Variants in SH3TC1 observed in about 807,000 individuals in gnomAD.
The protein encoded by SH3TC1 is SH3 domain and tetratricopeptide repeats 1, also known as SH3 domain and tetratricopeptide repeat-containing protein 1.
In SH3TC1, 135 loss-of-function variants were observed where a neutral mutation model predicts 117.3. The ratio of observed to expected loss-of-function variants is 1.15; its 90% CI spans 1.00 to 1.33. The LOEUF is 1.33. Among genes scored for constraint, SH3TC1 ranks in the 40% most tolerant of loss-of-function variants. The pLI is 0.00. For missense variants in SH3TC1, 2,092 were observed against 1,794.3 expected, an observed-to-expected ratio of 1.17 and a Z score of -3.00; for synonymous variants, 898 against 816.9, an observed-to-expected ratio of 1.10 and a Z score of -1.69.
Position 8,225,284 on chromosome 4 carries a change from G to A in SH3TC1, c.1285+68G>A, listed in dbSNP as rs1418287064. ...GGGCCTTGGGGTAACGCTGGGGGAG[G>A]TGACAAAGCTGAGCACGGTGGGCAT... On this transcript the variant is annotated intron_variant, in intron 11 of 17. Transcript: ENST00000245105. The surrounding 1 kb of genome is among the most constrained non-coding windows in gnomAD (Gnocchi z 5.5). 5.2e-6 allele frequency: 8 copies of A among 1,547,228 alleles called. No homozygotes were observed. The highest frequency in any genetic ancestry group is 1.4e-5 in the African/African-American group (1 of 73,602).
intron 1 of SH3TC1, among the ~76,000 whole-genome samples, chr4:8,189,905 G>A (rs1717362102): frequency 6.6e-6 from 1 of 152,228 alleles, no homozygotes; most frequent in African/African-American, 2.4e-5. Flanking sequence ...GGTGTCCAAA[G>A]GGTGTGGTCA....
At chr4:8,202,835 C>G (rs942645457) in intron 1 of SH3TC1, among the ~76,000 whole-genome samples, 5 of 152,340 alleles carry the variant, frequency 3.3e-5, no homozygotes, top group African/African-American at 1.2e-4. Context: ...GTCGAAATTC[C>G]CAACTTAGCA....
intron 10 of SH3TC1, among the ~76,000 whole-genome samples, chr4:8,223,878 G>A (rs1342779370): frequency 2.0e-5 from 3 of 152,090 alleles, no homozygotes; most frequent in Non-Finnish European, 4.4e-5. Flanking sequence ...CAGGTGATCC[G>A]CCAGCCTCAG....
intron 12 of SH3TC1, among the ~76,000 whole-genome samples, chr4:8,230,210 G>C (rs865861397): frequency 1.3e-5 from 2 of 152,358 alleles, no homozygotes; most frequent in Middle Eastern, 3.4e-3. Flanking sequence ...ATTGTTCGTA[G>C]TGTTCTCATG....
rs1194065338 is a variant in SH3TC1 at position 8,209,024 on chromosome 4, C to T, written c.173-724C>T. ...AGGCCAAGATGCAAACTCTGCAGGA[C>T]CAATGGCCAGAGGGGTGACCCCCAG... On this transcript the variant is annotated intron_variant, in intron 2 of 17. Coordinates refer to ENST00000245105, the MANE Select transcript of SH3TC1 (RefSeq NM_018986.5). This position sits in a 1 kb window ranked among gnomAD's most constrained non-coding sequence, Gnocchi z 5.9. 6.6e-6 allele frequency among the ~76,000 whole-genome samples: 1 copy of T among 152,186 alleles called. No homozygotes were observed. Among genetic ancestry groups the T allele is most frequent in the Non-Finnish European group, 1.5e-5 (1 of 68,036 alleles).
chr4:8,233,582 T>A (rs1357752320), intron 14 of SH3TC1, 69 bp downstream of exon 14: 1 of 1,483,450 alleles, frequency 6.7e-7, no homozygotes, highest in African/African-American at 1.4e-5. Flanking sequence ...CGTCCATTGA[T>A]GATGATGATA....
In SH3TC1 at chr4:8,219,355, T is replaced by C. The variant is rs144219902; in HGVS notation, c.937T>C (p.Leu313=). The change falls in exon 9 of 18, where the codon TTG becomes CTG. Residue 313 remains leucine (L), a synonymous_variant. Transcript: ENST00000245105. ...PLMAVGLASA[L]ADFQGSGPEE... is the part of the protein sequence containing the mutation. ...CGCAGCTGTGGGCCTGGCCTCGGCATTGGCAGACTTCCAGGGCTCGGGGCC... is the reference window on the plus strand; with the variant it reads ...CGCAGCTGTGGGCCTGGCCTCGGCACTGGCAGACTTCCAGGGCTCGGGGCC... 347 of 1,599,954 alleles carry C rather than the reference T, an allele frequency of 2.2e-4. 1 individual carries two copies. Among genetic ancestry groups the C allele is most frequent in the Admixed American group, 1.2e-3 (71 of 59,274 alleles).
rs557579092 is a variant in SH3TC1 at position 8,205,261 on chromosome 4, T to C, written c.67T>C (p.Ser23Pro). The C allele has an allele frequency of 6.4e-7, 1 of 1,550,550 alleles. No homozygotes were observed. The highest frequency in any genetic ancestry group is 2.0e-5 in the Admixed American group (1 of 51,080). Residue 23 changes from serine (S) to proline (P), a missense_variant, in exon 2 of 18, where the codon TCA becomes CCA. Transcript: ENST00000245105. This position sits in a 1 kb window ranked among gnomAD's most constrained non-coding sequence, Gnocchi z 5.4. ...TPMGRGPVGP[S>P]GGGSTRDQVR... ...CATGGGGAGGGGTCCTGTGGGACCC[T>C]CAGGAGGTGGCAGCACCCGGGACCA...
Position 8,219,478 on chromosome 4 carries a change from C to A in SH3TC1, c.1060C>A (p.Arg354=), listed in dbSNP as rs776202621. 6.2e-7 allele frequency: 1 copy of A among 1,605,214 alleles called. No homozygotes were observed. The highest frequency in any genetic ancestry group is 1.7e-5 in the Admixed American group (1 of 59,480). Residue 354 remains arginine, a synonymous_variant, in exon 9 of 18, where the codon CGG becomes AGG. Coordinates refer to ENST00000245105, the MANE Select transcript of SH3TC1 (RefSeq NM_018986.5). ...WCVGRHAASG[R]VGFVRSSLIS... The stretch of plus-strand genomic sequence containing the variant: ...CGTGGGCCGACACGCAGCCTCGGGC[C>A]GGGTGGGGTTTGTGCGGAGCAGCCT...
intron 11 of SH3TC1, among the ~76,000 whole-genome samples, chr4:8,226,270 C>CGCCA (rs1271904769): frequency 6.6e-6 from 1 of 152,186 alleles, no homozygotes. Flanking sequence ...AGCCAGCAGG[C>CGCCA]GCCAGCAGGC....
In SH3TC1 at chr4:8,210,341, C is replaced by A. The variant is rs949977156; in HGVS notation, c.247+519C>A. Among the ~76,000 whole-genome samples the A allele has an allele frequency of 2.0e-5, 3 of 152,262 alleles. No homozygotes were observed. The highest frequency in any genetic ancestry group is 6.5e-5 in the Admixed American group (1 of 15,292). On this transcript the variant is annotated intron_variant, in intron 3 of 17. Coordinates refer to ENST00000245105, the MANE Select transcript of SH3TC1 (RefSeq NM_018986.5). The surrounding 1 kb of genome is among the most constrained non-coding windows in gnomAD (Gnocchi z 4.1). The stretch of plus-strand genomic sequence containing the variant: ...ACCCCCCGCTGGGGAGGAATGGAGA[C>A]CCCAGCATCCATTGCTGGCTTTGCC...
rs1717459922 is a variant in SH3TC1, at chr4:8,192,975, C to T, written c.-57+10765C>T. 6.6e-6 allele frequency among the ~76,000 whole-genome samples: 1 copy of T among 152,270 alleles called. No individual in the cohort carries two copies. Among genetic ancestry groups the T allele is most frequent in the Non-Finnish European group, 1.5e-5 (1 of 68,052 alleles). ...GTTTCACAGCACAAGACAGCCTCAG[C>T]TCTGTGGTCCACAAACCACATGACC... On this transcript the variant is annotated intron_variant, in intron 1 of 16. Coordinates refer to the SH3TC1 transcript ENST00000508641. This position sits in a 1 kb window ranked among gnomAD's most constrained non-coding sequence, Gnocchi z 4.1.
At position 8,191,566 on chromosome 4, in the gene SH3TC1, A is replaced by G. The variant is rs10005493; in HGVS notation, c.-57+9356A>G. On this transcript the variant is annotated intron_variant, in intron 1 of 16. Coordinates refer to the SH3TC1 transcript ENST00000508641. ...TGGTGTGAGCGCTGCTGAATAGGGC[A>G]CCGTCCTAGCCCTTTCCGGGGGATG... is the stretch of plus-strand genomic sequence containing the variant. Among the ~76,000 whole-genome samples, 557 of 152,318 alleles carry G rather than the reference A, an allele frequency of 3.7e-3. 4 individuals carry two copies. Among genetic ancestry groups the G allele is most frequent in the African/African-American group, 0.013 (521 of 41,562 alleles).
In SH3TC1 at chr4:8,219,331, G is replaced by A. The variant is rs4696782; in HGVS notation, c.917-4G>A. On this transcript the variant is annotated splice_region_variant and splice_polypyrimidine_tract_variant and intron_variant, in intron 8 of 17. Transcript: ENST00000245105. ...GGCACTCACCATGTGGCTTTCTTCC[G>A]CAGCTGTGGGCCTGGCCTCGGCATT... 1,008,885 of 1,571,486 alleles carry A rather than the reference G, an allele frequency of 0.64. 326,728 individuals are homozygous for A. The highest frequency in any genetic ancestry group is 0.86 in the East Asian group (37,601 of 43,884).
At chr4:8,230,401 G>T (rs1259828828) in intron 12 of SH3TC1, among the ~76,000 whole-genome samples, 3 of 152,128 alleles carry the variant, frequency 2.0e-5, no homozygotes. Flanking sequence ...CTCACAAAGT[G>T]CTGGGATGAC....
chr4:8,236,149 C>A, intron 15 of SH3TC1, 129 bp from the exon 16 acceptor site: 1 of 1,191,300 alleles, frequency 8.4e-7, no homozygotes, highest in Non-Finnish European at 1.1e-6. Context: ...TATCTCAGAG[C>A]ACACAGCTGT....
chr4:8,219,761 C>T (rs1719724923), intron 9 of SH3TC1, among the ~76,000 whole-genome samples: 1 of 152,344 alleles, frequency 6.6e-6, no homozygotes, highest in African/African-American at 2.4e-5. Context: ...CTCGAATGCA[C>T]ACCTGCCCAT....
intron 17 of SH3TC1, among the ~76,000 whole-genome samples, chr4:8,238,044 G>A (rs1488991781): frequency 6.6e-6 from 1 of 152,152 alleles, no homozygotes; most frequent in Non-Finnish European, 1.5e-5. Flanking sequence ...AAGGACATTT[G>A]GGGGGATGGC....
At chr4:8,200,550 C>G (rs1717765959) in intron 1 of SH3TC1, among the ~76,000 whole-genome samples, 1 of 152,190 alleles carries the variant, frequency 6.6e-6, no homozygotes, top group Non-Finnish European at 1.5e-5. Context: ...GGCGCTGGGC[C>G]AGCGTTTTTT....
Sources: allele counts gnomAD v4.1 joint callset (sites outside exome capture counted in the v4.1 genomes callset), GRCh38; gene constraint gnomAD v4.1.1; non-coding constraint Gnocchi (gnomAD v3.1); transcripts MANE v1.5; gene names NCBI Gene and HGNC (gene_info 2026-07-23, HGNC 2026-07-21).